The following GATB variants were observed in gnomAD, a reference collection of about 807,000 sequenced individuals.
GATB encodes glutamyl-tRNA(Gln) amidotransferase subunit B, mitochondrial.
A neutral mutation model predicts 62.3 loss-of-function variants in GATB; 39 were observed. That is an observed-to-expected ratio of 0.63 (90% confidence interval 0.48 to 0.82). The LOEUF (loss-of-function observed/expected upper bound fraction) is 0.82. GATB is among the 40% of genes least tolerant of loss of function. The pLI is 0.00. For missense variants in GATB, 670 were observed against 684.0 expected, an observed-to-expected ratio of 0.98 and a Z score of 0.23; for synonymous variants, 276 against 258.9, an observed-to-expected ratio of 1.07 and a Z score of -0.63.
rs1004721795 is a variant in GATB at position 151,697,969 on chromosome 4, A to G, written c.1197+3360T>C. 6.5e-4 allele frequency among the ~76,000 whole-genome samples: 67 copies of G among 102,444 alleles called. 2 individuals are homozygous for G. Among genetic ancestry groups the G allele is most frequent in the African/African-American group, 3.1e-3 (62 of 19,926 alleles). 67.2% of individuals were successfully genotyped at this position (102,444 alleles called of 152,430 possible). ...TGTGTGTGTGTATATATATATATAT[A>G]TATATATATATATATATATATATAT... is the stretch of plus-strand genomic sequence containing the variant. On this transcript the variant is annotated intron_variant, in intron 9 of 12. Coordinates refer to ENST00000263985, the MANE Select transcript of GATB (RefSeq NM_004564.3).
chr4:151,671,421 G>A (rs531778164), intron 12 of GATB, 119 bp from the exon 13 acceptor site: 51 of 956,116 alleles, frequency 5.3e-5, no homozygotes, highest in Non-Finnish European at 7.7e-5. Flanking sequence ...ACTAGTATTA[G>A]ACATAAAATG....
chr4:151,678,580 G>A (rs955180507), intron 11 of GATB, among the ~76,000 whole-genome samples: 3 of 151,820 alleles, frequency 2.0e-5, no homozygotes, highest in Admixed American at 6.5e-5. Context: ...TCCTAAACGC[G>A]GTGAGGTCCC....
intron 11 of GATB, among the ~76,000 whole-genome samples, chr4:151,679,492 A>T (rs112792882): frequency 6.6e-6 from 1 of 152,114 alleles, no homozygotes; most frequent in Non-Finnish European, 1.5e-5. Context: ...AGCTGAGCTG[A>T]GGCTGCCTTG....
intron 4 of GATB, 146 bp from the exon 5 acceptor site, chr4:151,716,277 C>CTTTT (rs1204900952): frequency 7.0e-5 from 29 of 413,420 alleles, no homozygotes; most frequent in South Asian, 2.2e-4. Flanking sequence ...TCCCTCCCAC[C>CTTTT]TTTTTTTTTT....
chr4:151,700,079 C>T (rs1738570905), intron 9 of GATB, among the ~76,000 whole-genome samples: 2 of 152,174 alleles, frequency 1.3e-5, no homozygotes, highest in Admixed American at 1.3e-4. Flanking sequence ...ATGTATAAGA[C>T]TAAAACGTAG....
At chr4:151,732,344 G>C (rs1578930117) in intron 2 of GATB, among the ~76,000 whole-genome samples, 1 of 152,346 alleles carries the variant, frequency 6.6e-6, no homozygotes, top group East Asian at 1.9e-4. Flanking sequence ...GAAAGAAGTA[G>C]ACATAGGAGA....
intron 2 of GATB, among the ~76,000 whole-genome samples, chr4:151,757,185 C>CA: frequency 6.6e-6 from 1 of 152,216 alleles, no homozygotes; most frequent in East Asian, 1.9e-4. Flanking sequence ...ATCTCTAAGT[C>CA]AGAGAGAGAG....
chr4:151,725,534 A>G (rs1412859135), intron 2 of GATB, among the ~76,000 whole-genome samples: 1 of 152,250 alleles, frequency 6.6e-6, no homozygotes, highest in Non-Finnish European at 1.5e-5. Flanking sequence ...CCCTTTTCAC[A>G]TGCGTGGAGC....
rs1447749443 is a variant in GATB at position 151,730,240 on chromosome 4, C to T, written c.328-10702G>A. Among the ~76,000 whole-genome samples, 6 of 152,194 alleles carry T rather than the reference C, an allele frequency of 3.9e-5. No individual in the cohort carries two copies. The highest frequency in any genetic ancestry group is 1.3e-4 in the Admixed American group (2 of 15,286). On this transcript the variant is annotated intron_variant, in intron 2 of 12. Coordinates refer to ENST00000263985, the MANE Select transcript of GATB (RefSeq NM_004564.3). The surrounding 1 kb of genome is among the most constrained non-coding windows in gnomAD (Gnocchi z 4.1). ...CACAACTCCAGTGACCTGGGAATCTCATCCCCATCATCCACAGCAGCCGCA... is the reference window on the plus strand; with the variant it reads ...CACAACTCCAGTGACCTGGGAATCTTATCCCCATCATCCACAGCAGCCGCA...
chr4:151,715,230 C>T, intron 5 of GATB, among the ~76,000 whole-genome samples: 1 of 152,204 alleles, frequency 6.6e-6, no homozygotes, highest in East Asian at 1.9e-4. Context: ...TATATTTTGT[C>T]TCCTCTCCAT....
intron 2 of GATB, among the ~76,000 whole-genome samples, chr4:151,728,624 A>T (rs1429411474): frequency 6.6e-6 from 1 of 152,188 alleles, no homozygotes; most frequent in Non-Finnish European, 1.5e-5. Context: ...TGTGTCCTAA[A>T]ATTTACTCAA....
intron 9 of GATB, among the ~76,000 whole-genome samples, chr4:151,697,969 A>ATATATATATATATATATATGTGTGTG (rs1738518293): frequency 9.8e-6 from 1 of 102,520 alleles, no homozygotes; most frequent in African/African-American, 5.0e-5. Context: ...ATATATATAT[A>ATATATATATATATATATATGTGTGTG]TATATATATA....
At chr4:151,760,726 T>C in intron 1 of GATB, 81 bp downstream of exon 1, 3 of 1,331,958 alleles carry the variant, frequency 2.3e-6, no homozygotes, top group Non-Finnish European at 3.0e-6. Flanking sequence ...GTCTAGAAGC[T>C]GGGCCGTAAT....
chr4:151,757,213 A>G (rs1218189101), intron 2 of GATB, among the ~76,000 whole-genome samples: 1 of 152,220 alleles, frequency 6.6e-6, no homozygotes, highest in African/African-American at 2.4e-5. Context: ...GCACACCTCC[A>G]CATCTATCTT....
intron 12 of GATB, among the ~76,000 whole-genome samples, chr4:151,672,397 G>T (rs186481894): frequency 7.9e-5 from 12 of 152,270 alleles, no homozygotes; most frequent in Admixed American, 2.6e-4. Context: ...TTTACTGGGA[G>T]GTCCTTAGGA....
At chr4:151,725,895 A>G (rs1230335786) in intron 2 of GATB, among the ~76,000 whole-genome samples, 1 of 152,216 alleles carries the variant, frequency 6.6e-6, no homozygotes, top group Non-Finnish European at 1.5e-5. Context: ...TCAATTGGTG[A>G]GCCCATGATG....
chr4:151,716,973 CT>C lies in GATB; in HGVS notation c.542del (p.Lys181ArgfsTer3). 6.2e-7 allele frequency: 1 copy of C among 1,614,114 alleles called. No homozygotes were observed. Among genetic ancestry groups the C allele is most frequent in the African/African-American group, 1.3e-5 (1 of 75,028 alleles). Reference protein sequence around the residue: ...AGKKQSQVIPKTVRIKQIQLE... With the variant: ...AGKKQSQVIPXTVRIKQIQLE... Reference sequence around the variant, plus strand: ...ACTGGATCTGCTTGATCCTCACCGTCTTGGGGATCACCTGACTCTGCTTCTT... The same window carrying C: ...ACTGGATCTGCTTGATCCTCACCGTCTGGGGATCACCTGACTCTGCTTCTT... On this transcript the variant is annotated frameshift_variant, in exon 4 of 13. Transcript: ENST00000263985. LOFTEE classifies it high-confidence loss of function.
At chr4:151,689,471 GCTGGAGA>G (rs1464155850) in intron 9 of GATB, among the ~76,000 whole-genome samples, 3 of 152,240 alleles carry the variant, frequency 2.0e-5, no homozygotes, top group African/African-American at 7.2e-5. Context: ...GAAATGATCA[GCTGGAGA>G]CTTGTTTCAT....
intron 8 of GATB, 162 bp downstream of exon 8, chr4:151,703,689 T>C (rs1413253988): frequency 1.5e-5 from 10 of 652,008 alleles, no homozygotes; most frequent in African/African-American, 9.1e-5. Flanking sequence ...CTTCTCTCGG[T>C]ATGCATATCA....
Sources: allele counts gnomAD v4.1 joint callset (sites outside exome capture counted in the v4.1 genomes callset), GRCh38; gene constraint gnomAD v4.1.1; non-coding constraint Gnocchi (gnomAD v3.1); transcripts MANE v1.5; gene names NCBI Gene and HGNC (gene_info 2026-07-23, HGNC 2026-07-21).